PTPRD: variants seen among roughly 807,000 people sequenced by gnomAD.
PTPRD encodes receptor-type tyrosine-protein phosphatase delta.
In PTPRD, 34 loss-of-function variants were observed where a neutral mutation model predicts 214.5. That is an observed-to-expected ratio of 0.16 (90% confidence interval 0.12 to 0.21). The LOEUF is 0.21. Among genes scored for constraint, PTPRD ranks in the 10% least tolerant of loss-of-function variants. The pLI is 1.00. For missense variants in PTPRD, 2,545 were observed against 2,398.7 expected, an observed-to-expected ratio of 1.06 and a Z score of -1.27; for synonymous variants, 1,128 against 845.7, an observed-to-expected ratio of 1.33 and a Z score of -5.79.
At chr9:10,574,525 G>C (rs1277580545) in intron 2 of PTPRD, among the ~76,000 whole-genome samples, 1 of 146,374 alleles carries the variant, frequency 6.8e-6, no homozygotes, top group East Asian at 2.6e-4. Flanking sequence ...ACTACAACTA[G>C]AGAGAAAGGA....
At chr9:9,888,189 C>T (rs1217048417) in intron 5 of PTPRD, among the ~76,000 whole-genome samples, 2 of 152,092 alleles carry the variant, frequency 1.3e-5, no homozygotes, top group African/African-American at 4.8e-5. Flanking sequence ...AAGTGTGAAA[C>T]ACAATTCTGA....
At chr9:9,506,111 T>C (rs747017777) in intron 8 of PTPRD, among the ~76,000 whole-genome samples, 1 of 151,480 alleles carries the variant, frequency 6.6e-6, no homozygotes, top group Non-Finnish European at 1.5e-5. Context: ...GCTAAAAATA[T>C]TCTTGTTAAA....
chr9:10,009,706 G>A (rs1378971427), intron 4 of PTPRD, among the ~76,000 whole-genome samples: 4 of 145,468 alleles, frequency 2.7e-5, no homozygotes, highest in Non-Finnish European at 4.6e-5. Flanking sequence ...GGGGATTTAC[G>A]GAATGAAAGT....
intron 7 of PTPRD, among the ~76,000 whole-genome samples, chr9:9,711,394 A>G (rs184697878): frequency 6.3e-4 from 96 of 152,280 alleles, no homozygotes; most frequent in Non-Finnish European, 1.0e-3. Context: ...CGTTGGTAAT[A>G]TATGCACTTT....
chr9:9,667,074 G>T (rs2096737941), intron 7 of PTPRD, among the ~76,000 whole-genome samples: 1 of 151,942 alleles, frequency 6.6e-6, no homozygotes, highest in Admixed American at 6.6e-5. Flanking sequence ...CTTTAAGGTG[G>T]CTTCACAATC....
At chr9:9,567,030 G>C (rs564226094) in intron 8 of PTPRD, among the ~76,000 whole-genome samples, 1 of 151,914 alleles carries the variant, frequency 6.6e-6, no homozygotes, top group Non-Finnish European at 1.5e-5. Flanking sequence ...AGGTCAAGTA[G>C]ATATAAAAAA....
At chr9:10,112,862 AC>A (rs1230262513) in intron 3 of PTPRD, among the ~76,000 whole-genome samples, 1 of 152,040 alleles carries the variant, frequency 6.6e-6, no homozygotes, top group Non-Finnish European at 1.5e-5. Flanking sequence ...ATAATTCCCT[AC>A]CTATATGTGA....
At chr9:9,970,159 T>C (rs777202899) in intron 4 of PTPRD, among the ~76,000 whole-genome samples, 3 of 152,088 alleles carry the variant, frequency 2.0e-5, no homozygotes, top group Non-Finnish European at 4.4e-5. Context: ...ATGGTTTTAG[T>C]CATGAGGTGT....
intron 8 of PTPRD, among the ~76,000 whole-genome samples, chr9:9,501,958 G>C (rs1454641272): frequency 6.6e-6 from 1 of 151,624 alleles, no homozygotes; most frequent in Non-Finnish European, 1.5e-5. Context: ...ATCTTTTTTT[G>C]TTTTTAAACC....
intron 8 of PTPRD, among the ~76,000 whole-genome samples, chr9:9,399,989 T>A (rs2069574779): frequency 1.3e-5 from 2 of 151,944 alleles, no homozygotes; most frequent in African/African-American, 4.8e-5. Context: ...TTGGAAATAT[T>A]AATAAAAGTG....
At chr9:8,691,889 A>C (rs1010780220) in intron 12 of PTPRD, among the ~76,000 whole-genome samples, 1 of 152,158 alleles carries the variant, frequency 6.6e-6, no homozygotes, top group Non-Finnish European at 1.5e-5. Context: ...TTCAACAACA[A>C]AAGTCTTGAA....
At chr9:8,383,407 CTT>C (rs143608738) in intron 37 of PTPRD, among the ~76,000 whole-genome samples, 1,904 of 152,270 alleles carry the variant, frequency 0.013, 43 homozygotes, top group African/African-American at 0.044. Context: ...AGCCCAGTCT[CTT>C]TGGCCCTGAC....
At position 8,454,511 on chromosome 9, in the gene PTPRD, C is replaced by T. The variant is rs1045877735; in HGVS notation, c.3876-4674G>A. ...TGCAGCCCCGCCCTCCCCTCTTCAA[C>T]AACTCTGAAGTCTACCAGTTTATTT... On this transcript the variant is annotated intron_variant, in intron 33 of 45. Coordinates refer to ENST00000381196, the MANE Select transcript of PTPRD (RefSeq NM_002839.4). The T allele has an allele frequency of 5.7e-6, 9 of 1,566,096 alleles. No homozygotes were observed. In the African/African-American group the frequency reaches 9.5e-5, roughly 17 times the overall value.
intron 3 of PTPRD, among the ~76,000 whole-genome samples, chr9:10,164,115 C>G (rs1008627909): frequency 2.0e-5 from 3 of 151,394 alleles, no homozygotes; most frequent in African/African-American, 7.3e-5. Flanking sequence ...CAACTGATAT[C>G]TGGATATCAG....
intron 3 of PTPRD, among the ~76,000 whole-genome samples, chr9:10,335,584 A>G (rs568625109): frequency 6.6e-6 from 1 of 151,848 alleles, no homozygotes; most frequent in East Asian, 1.9e-4. Context: ...TGAAATAAAT[A>G]AATGATAAAC....
intron 2 of PTPRD, among the ~76,000 whole-genome samples, chr9:10,517,179 T>A (rs575359507): frequency 1.3e-5 from 2 of 152,138 alleles, no homozygotes; most frequent in East Asian, 3.9e-4. Context: ...GTAAACAGTA[T>A]CCAGTATCCC....
intron 10 of PTPRD, among the ~76,000 whole-genome samples, chr9:9,055,064 T>A (rs2099693698): frequency 6.6e-6 from 1 of 152,188 alleles, no homozygotes; most frequent in South Asian, 2.1e-4. Flanking sequence ...CAGTAGATAT[T>A]GGTGCAGCTA....
rs879727195 is a variant in PTPRD at position 9,812,393 on chromosome 9, G to GA, written c.-367-45543dup. On this transcript the variant is annotated intron_variant, in intron 5 of 45. Transcript: ENST00000381196. ...AAATACAAAGTGACTTAGTGGATTT[G>GA]AAAAAAAAAAAGTTGCAGCAATATG... 9.1e-3 allele frequency among the ~76,000 whole-genome samples: 1,315 copies of GA among 145,270 alleles called. 18 individuals carry two copies. Among genetic ancestry groups the GA allele is most frequent in the African/African-American group, 0.03 (1,193 of 39,890 alleles).
chr9:9,153,864 G>T (rs1207375876), intron 10 of PTPRD, among the ~76,000 whole-genome samples: 1 of 152,104 alleles, frequency 6.6e-6, no homozygotes, highest in East Asian at 1.9e-4. Context: ...TAAGGGACCA[G>T]GAACTATTAA....
Sources: gnomAD v4.1 joint callset for allele counts (sites outside exome capture counted in the v4.1 genomes callset) on GRCh38, gnomAD v4.1.1 for gene constraint, MANE v1.5 for transcripts, NCBI Gene and HGNC (gene_info 2026-07-23, HGNC 2026-07-21) for gene names.